Variants in LRRC4C observed in about 807,000 individuals in gnomAD.
The protein encoded by LRRC4C is leucine-rich repeat-containing protein 4C.
LRRC4C carries 5 observed loss-of-function variants against 33.6 expected under a neutral mutation model. That is an observed-to-expected ratio of 0.15 (90% CI 0.08 to 0.31). LRRC4C has a LOEUF of 0.31. Ranked by LOEUF, LRRC4C falls within the 10% of genes least tolerant of loss-of-function variation. The pLI, the probability that LRRC4C is intolerant of heterozygous loss-of-function variation, is 1.00. For missense variants in LRRC4C, 560 were observed against 796.7 expected (o/e 0.70, Z 3.58); for synonymous variants, 329 against 302.0 (o/e 1.09, Z -0.93).
intron 1 of LRRC4C, among the ~76,000 whole-genome samples, chr11:41,440,215 G>T (rs1217567588): frequency 6.6e-6 from 1 of 151,974 alleles, no homozygotes; most frequent in Admixed American, 6.6e-5. Flanking sequence ...CATGGGTCCA[G>T]TTTCATTTTT....
chr11:41,002,880 T>C (rs1854484868), intron 1 of LRRC4C, among the ~76,000 whole-genome samples: 1 of 152,204 alleles, frequency 6.6e-6, no homozygotes, highest in Non-Finnish European at 1.5e-5. Context: ...TTTTAAAATA[T>C]GCATAGAAAA....
intron 1 of LRRC4C, among the ~76,000 whole-genome samples, chr11:41,323,071 T>C (rs1417810721): frequency 1.3e-5 from 2 of 152,120 alleles, no homozygotes; most frequent in Non-Finnish European, 2.9e-5. Context: ...TTATCTGACA[T>C]CAGAATATGT....
intron 3 of LRRC4C, among the ~76,000 whole-genome samples, chr11:40,575,047 G>A (rs565231260): frequency 6.6e-6 from 1 of 152,140 alleles, no homozygotes; most frequent in Non-Finnish European, 1.5e-5. Flanking sequence ...GCCTCAGCAG[G>A]TTCACCCAAA....
intron 4 of LRRC4C, among the ~76,000 whole-genome samples, chr11:40,304,779 T>C (rs1389477584): frequency 6.6e-6 from 1 of 151,782 alleles, no homozygotes; most frequent in Non-Finnish European, 1.5e-5. Flanking sequence ...TCGCCCAGGC[T>C]GGAGTGCAGT....
At chr11:41,149,590 G>C (rs537990249) in intron 1 of LRRC4C, among the ~76,000 whole-genome samples, 2 of 151,974 alleles carry the variant, frequency 1.3e-5, no homozygotes, top group South Asian at 4.2e-4. Context: ...GGCAAAACTG[G>C]CTCCAATTTA....
intron 3 of LRRC4C, among the ~76,000 whole-genome samples, chr11:40,538,480 G>T (rs983236254): frequency 6.6e-6 from 1 of 152,090 alleles, no homozygotes; most frequent in African/African-American, 2.4e-5. Context: ...TTTTGTGGCT[G>T]CTTAGTATTC....
chr11:40,770,358 G>C (rs931986496), intron 2 of LRRC4C, among the ~76,000 whole-genome samples: 2 of 152,018 alleles, frequency 1.3e-5, no homozygotes, highest in South Asian at 2.1e-4. Flanking sequence ...AACAGCATGG[G>C]GGAACTGCCC....
At chr11:40,150,949 A>T (rs1858153979) in intron 5 of LRRC4C, among the ~76,000 whole-genome samples, 1 of 152,122 alleles carries the variant, frequency 6.6e-6, no homozygotes, top group South Asian at 2.1e-4. Flanking sequence ...ATAAAAAAAA[A>T]TGCCATCTGC....
intron 5 of LRRC4C, among the ~76,000 whole-genome samples, chr11:40,213,908 A>G (rs1452263478): frequency 6.6e-6 from 1 of 152,152 alleles, no homozygotes; most frequent in Non-Finnish European, 1.5e-5. Context: ...AGATCGTATG[A>G]TCCCAAATTG....
intron 3 of LRRC4C, among the ~76,000 whole-genome samples, chr11:40,326,373 A>C (rs779513192): frequency 1.1e-4 from 16 of 152,076 alleles, no homozygotes; most frequent in Admixed American, 3.3e-4. Context: ...ACCAGCCTGG[A>C]CATGATGGTG....
intron 3 of LRRC4C, among the ~76,000 whole-genome samples, chr11:40,580,296 GA>G (rs1005117805): frequency 2.0e-5 from 3 of 152,090 alleles, no homozygotes; most frequent in Non-Finnish European, 2.9e-5. Flanking sequence ...CAGCAGGAGA[GA>G]AAAATGAGCA....
At chr11:40,852,327 C>T (rs1953549614) in intron 2 of LRRC4C, among the ~76,000 whole-genome samples, 2 of 152,092 alleles carry the variant, frequency 1.3e-5, no homozygotes, top group African/African-American at 4.8e-5. Context: ...TCTTCATTTA[C>T]TGGTTTTGTG....
chr11:41,247,394 T>A (rs772627918), intron 1 of LRRC4C, among the ~76,000 whole-genome samples: 1 of 152,246 alleles, frequency 6.6e-6, no homozygotes, highest in Non-Finnish European at 1.5e-5. Context: ...CTTTCCTTTC[T>A]TCTTGCTTTT....
At chr11:40,607,559 G>C (rs1280145454) in intron 3 of LRRC4C, among the ~76,000 whole-genome samples, 2 of 152,118 alleles carry the variant, frequency 1.3e-5, no homozygotes, top group Admixed American at 1.3e-4. Context: ...CATCAGAGAA[G>C]AGCTTGGCTG....
At chr11:40,647,448 C>A (rs1049189056) in intron 3 of LRRC4C, among the ~76,000 whole-genome samples, 1 of 152,008 alleles carries the variant, frequency 6.6e-6, no homozygotes, top group African/African-American at 2.4e-5. Flanking sequence ...AGGTGTGAGT[C>A]CCCTTGACTC....
intron 1 of LRRC4C, among the ~76,000 whole-genome samples, chr11:41,398,030 A>G (rs1412077804): frequency 6.6e-6 from 1 of 151,912 alleles, no homozygotes. Flanking sequence ...CTTCATAACC[A>G]TATTACGTTT....
At chr11:40,971,975 C>T (rs187242711) in intron 1 of LRRC4C, among the ~76,000 whole-genome samples, 10 of 152,228 alleles carry the variant, frequency 6.6e-5, no homozygotes, top group Admixed American at 2.0e-4. Context: ...TTACCCAATG[C>T]CTGTACCTCC....
chr11:41,342,671 T>G (rs1430638328), intron 1 of LRRC4C, among the ~76,000 whole-genome samples: 1 of 152,128 alleles, frequency 6.6e-6, no homozygotes, highest in Non-Finnish European at 1.5e-5. Context: ...GCCGAGATTG[T>G]GCCACTGAAC....
intron 1 of LRRC4C, among the ~76,000 whole-genome samples, chr11:41,178,991 G>T (rs897984566): frequency 6.6e-6 from 1 of 152,020 alleles, no homozygotes; most frequent in African/African-American, 2.4e-5. Context: ...CTGAGCCACC[G>T]TGCCCGGCCA....
Sources: gnomAD v4.1 joint callset for allele counts (sites outside exome capture counted in the v4.1 genomes callset) on GRCh38, gnomAD v4.1.1 for gene constraint, MANE v1.5 for transcripts, NCBI Gene and HGNC (gene_info 2026-07-23, HGNC 2026-07-21) for gene names.